The following CKAP2L variants were observed in gnomAD, a reference collection of about 807,000 sequenced individuals.
CKAP2L encodes cytoskeleton-associated protein 2-like.
In CKAP2L, 42 loss-of-function variants were observed where a neutral mutation model predicts 65.7. The ratio of observed to expected loss-of-function variants is 0.64; its 90% confidence interval spans 0.50 to 0.83. The LOEUF (loss-of-function observed/expected upper bound fraction) is 0.83. CKAP2L is among the 40% of genes least tolerant of loss of function. CKAP2L has a pLI of 0.00. For synonymous variants in CKAP2L, 325 were observed against 313.5 expected, an observed-to-expected ratio of 1.04 and a Z score of -0.39; for missense variants, 908 against 871.0, an observed-to-expected ratio of 1.04 and a Z score of -0.53.
chr2:112,756,131 T>C lies in CKAP2L; in HGVS notation c.1240A>G (p.Lys414Glu), dbSNP rs142654868. The change falls in exon 4 of 9, where the codon AAA (lysine) becomes GAA (glutamate). Residue 414 changes from lysine (K) to glutamate (E), a missense_variant. Physicochemically the swap from Lys to Glu is moderately conservative, Grantham distance 56 (BLOSUM62 1). Transcript: ENST00000302450. ...AACTTGGAGTCCAAAGTCTGTGCTT[T>C]TTGCTGAAAGCCATTATTGTTATGT... ...NKHNNNGFQQ[K>E]AQTLDSKLKK... 6 of 1,614,178 alleles carry C rather than the reference T, an allele frequency of 3.7e-6. No homozygotes were observed. Among genetic ancestry groups the C allele is most frequent in the Non-Finnish European group, 5.1e-6 (6 of 1,180,032 alleles).
chr2:112,761,418 G>A (rs1049224075), intron 2 of CKAP2L, among the ~76,000 whole-genome samples: 9 of 129,998 alleles, frequency 6.9e-5, no homozygotes, highest in Non-Finnish European at 1.1e-4. Flanking sequence ...CCAAGATTGC[G>A]CCACTGCACT....
chr2:112,749,973 C>T (rs1297360795), intron 5 of CKAP2L, among the ~76,000 whole-genome samples: 5 of 152,114 alleles, frequency 3.3e-5, no homozygotes, highest in African/African-American at 1.2e-4. Context: ...CTTTTTTTCC[C>T]CCTCAGAGCC....
chr2:112,755,865 T>C, intron 4 of CKAP2L, 112 bp downstream of exon 4: 1 of 1,044,788 alleles, frequency 9.6e-7, no homozygotes, highest in East Asian at 2.4e-5. Context: ...AGACTGTAGT[T>C]AAAAATTACT....
At chr2:112,762,357 G>T (rs1290414753) in intron 2 of CKAP2L, 146 bp downstream of exon 2, 2 of 649,294 alleles carry the variant, frequency 3.1e-6, no homozygotes, top group Non-Finnish European at 2.8e-6. Context: ...GTCATGCCTG[G>T]ACTGAAATGC....
intron 3 of CKAP2L, 99 bp downstream of exon 3, chr2:112,760,614 T>C: frequency 1.6e-6 from 1 of 637,436 alleles, no homozygotes; most frequent in Non-Finnish European, 2.7e-6. Flanking sequence ...AAGAAATACC[T>C]TTCAAATACA....
chr2:112,738,910 C>A lies in CKAP2L; in HGVS notation c.2151G>T (p.Leu717=). The A allele has an allele frequency of 6.2e-7, 1 of 1,614,110 alleles. No individual in the cohort carries two copies. Among genetic ancestry groups the A allele is most frequent in the South Asian group, 1.1e-5 (1 of 91,076 alleles). Residue 717 remains leucine, a synonymous_variant, in exon 9 of 9, where the codon CTG becomes CTT. Coordinates refer to ENST00000302450, the MANE Select transcript of CKAP2L (RefSeq NM_152515.5). ...AACATTTTGTTTCTTCCACTTCTAA[C>A]AGTTCATCAAGAGAAGCCACTACTA... ...HDLVVASLDE[L]LEVEETKCFI... is the part of the protein sequence containing the mutation.
At chr2:112,744,640 G>C (rs1050338653) in intron 6 of CKAP2L, among the ~76,000 whole-genome samples, 1 of 152,206 alleles carries the variant, frequency 6.6e-6, no homozygotes, top group African/African-American at 2.4e-5. Flanking sequence ...GAGACTCCCT[G>C]CTCTCTTCTC....
At position 112,760,688 on chromosome 2, in the gene CKAP2L, T is replaced by G. The variant is rs1411378428; in HGVS notation, c.156+25A>C. ...CTAATCATACTTATGAATGCATATT[T>G]TTAAAAAGACTAATTTCTACTTACA... On this transcript the variant is annotated intron_variant, in intron 3 of 8. Coordinates refer to ENST00000302450, the MANE Select transcript of CKAP2L (RefSeq NM_152515.5). The G allele has an allele frequency of 3.1e-6, 4 of 1,277,082 alleles. No individual in the cohort carries two copies. The African/African-American group carries it at 6.1e-5, about 19-fold the overall frequency. The allele number at this position is 1,277,082 out of a possible 1,614,324, so 79.1% of individuals were successfully genotyped here. A position where few individuals can be genotyped will look rare whatever the true frequency, so the allele number is the denominator to read the frequency against.
chr2:112,742,379 T>C (rs1680037646), intron 7 of CKAP2L: 1 of 717,438 alleles, frequency 1.4e-6, no homozygotes, highest in Non-Finnish European at 2.6e-6. Context: ...TGATTAAACA[T>C]GTAACTTAAG....
chr2:112,746,468 G>A lies in CKAP2L; in HGVS notation c.1710C>T (p.Thr570=). 6.2e-7 allele frequency: 1 copy of A among 1,613,032 alleles called. No homozygotes were observed. The highest frequency in any genetic ancestry group is 1.1e-5 in the South Asian group (1 of 91,008). ...CKAKLLASKG[T]FDVIGLYEEA... Reference sequence around the variant, plus strand: ...CTTCATATAGCCCAATAACATCAAAGGTGCCTTTACTTGCCAACAACTTTG... The same window carrying A: ...CTTCATATAGCCCAATAACATCAAAAGTGCCTTTACTTGCCAACAACTTTG... Residue 570 remains threonine, a synonymous_variant, in exon 6 of 9, where the codon ACC becomes ACT. Transcript: ENST00000302450.
In CKAP2L at chr2:112,736,646, C is replaced by G. The variant is rs1440016771; in HGVS notation, c.*2177G>C. 3.3e-5 allele frequency: 5 copies of G among 152,174 alleles called. No individual in the cohort carries two copies. The highest frequency in any genetic ancestry group is 7.3e-5 in the Non-Finnish European group (5 of 68,034). The allele number at this position is 152,174 out of a possible 1,614,324, so 9.4% of individuals were successfully genotyped here. On this transcript the variant is annotated 3_prime_UTR_variant, in exon 9 of 9. Coordinates refer to ENST00000302450, the MANE Select transcript of CKAP2L (RefSeq NM_152515.5). Reference sequence around the variant, plus strand: ...TAAGCACTTTCTCTGTGTACTTGAGCTCTTTCTTAAAAAATTAAATATTCC... The same window carrying G: ...TAAGCACTTTCTCTGTGTACTTGAGGTCTTTCTTAAAAAATTAAATATTCC...
chr2:112,757,103 T>C lies in CKAP2L; in HGVS notation c.268A>G (p.Lys90Glu), dbSNP rs776410407. The part of the protein sequence containing the change: ...PRPPNTAGSQ[K>E]PKLEPPKLLG... Reference sequence around the variant, plus strand: ...AGTTTTGGTGGCTCCAACTTCGGCTTCTGGGACCCTGCAGTATTAGGTGGT... The same window carrying C: ...AGTTTTGGTGGCTCCAACTTCGGCTCCTGGGACCCTGCAGTATTAGGTGGT... Residue 90 changes from lysine to glutamate, a missense_variant, in exon 4 of 9, where the codon AAG (lysine) becomes GAG (glutamate). By Grantham distance (56) the Lys-to-Glu change is moderately conservative. Coordinates refer to ENST00000302450, the MANE Select transcript of CKAP2L (RefSeq NM_152515.5). The C allele has an allele frequency of 2.5e-6, 4 of 1,614,218 alleles. No individual in the cohort carries two copies. Among genetic ancestry groups the C allele is most frequent in the Non-Finnish European group, 3.4e-6 (4 of 1,180,038 alleles).
rs1442633705 is a variant in CKAP2L, at chr2:112,757,172, G to T, written c.199C>A (p.Pro67Thr). 2.5e-5 allele frequency: 41 copies of T among 1,612,648 alleles called. No homozygotes were observed. The highest frequency in any genetic ancestry group is 3.1e-5 in the Non-Finnish European group (37 of 1,179,222). ...CTGATGGACCTTTTAGGTTTGACAGGCAAAACAACATGGTTGGTAACATCA... is the reference window on the plus strand; with the variant it reads ...CTGATGGACCTTTTAGGTTTGACAGTCAAAACAACATGGTTGGTAACATCA... ...KNDVTNHVVL[P>T]VKPKRSISIK... is the part of the protein sequence containing the mutation. Residue 67 changes from proline (P) to threonine (T), a missense_variant, in exon 4 of 9, where the codon CCT becomes ACT. Coordinates refer to ENST00000302450, the MANE Select transcript of CKAP2L (RefSeq NM_152515.5).
intron 3 of CKAP2L, among the ~76,000 whole-genome samples, chr2:112,757,756 T>A (rs2104886682): frequency 1.3e-5 from 2 of 152,304 alleles, no homozygotes; most frequent in South Asian, 2.1e-4. Context: ...CTTGACAGAA[T>A]TAAGCAGAGA....
At chr2:112,752,520 T>C (rs1410873025) in intron 4 of CKAP2L, 46 bp from the exon 5 acceptor site, 23 of 1,197,332 alleles carry the variant, frequency 1.9e-5, no homozygotes, top group African/African-American at 7.7e-5. Context: ...TTTTTAAACA[T>C]AGTCAAGCTG....
intron 8 of CKAP2L, 130 bp downstream of exon 8, chr2:112,740,688 C>T (rs1679872666): frequency 1.4e-6 from 1 of 702,786 alleles, no homozygotes; most frequent in Non-Finnish European, 2.5e-6. Flanking sequence ...TTCTAATACC[C>T]CTCCTGACTC....
chr2:112,749,328 C>T (rs910067104), intron 5 of CKAP2L, among the ~76,000 whole-genome samples: 1 of 152,086 alleles, frequency 6.6e-6, no homozygotes, highest in Non-Finnish European at 1.5e-5. Flanking sequence ...CTGTACCTAA[C>T]AACATAACTT....
chr2:112,755,826 T>C lies in CKAP2L; in HGVS notation c.1394+151A>G, dbSNP rs1019542799. 5 of 716,452 alleles carry C rather than the reference T, an allele frequency of 7.0e-6. No homozygotes were observed. In the South Asian group the frequency reaches 1.0e-4, roughly 14 times the overall value. 44.4% of individuals were successfully genotyped at this position (716,452 alleles called of 1,614,324 possible). On this transcript the variant is annotated intron_variant, in intron 4 of 8. Transcript: ENST00000302450. Reference sequence around the variant, plus strand: ...CACCTAGCCCTGTCAAGTCTTAATATTTGTTATATTTGCTTCAAATCTTTT... The same window carrying C: ...CACCTAGCCCTGTCAAGTCTTAATACTTGTTATATTTGCTTCAAATCTTTT...
At chr2:112,755,425 C>A (rs1680499651) in intron 4 of CKAP2L, among the ~76,000 whole-genome samples, 2 of 152,178 alleles carry the variant, frequency 1.3e-5, no homozygotes, top group African/African-American at 4.8e-5. Flanking sequence ...CAGGCATGAG[C>A]CAGCGTGCCC....
Sources: gnomAD v4.1 joint callset for allele counts (sites outside exome capture counted in the v4.1 genomes callset) on GRCh38, gnomAD v4.1.1 for gene constraint, MANE v1.5 for transcripts, NCBI Gene and HGNC (gene_info 2026-07-23, HGNC 2026-07-21) for gene names.